Variants in CDH20 observed in about 807,000 individuals in gnomAD.
CDH20 encodes cadherin-20.
In CDH20, 29 loss-of-function variants were observed where a neutral mutation model predicts 74.2. The ratio of observed to expected loss-of-function variants is 0.39; its 90% CI spans 0.29 to 0.53. CDH20 has a LOEUF of 0.53. Among genes scored for constraint, CDH20 ranks in the 20% least tolerant of loss-of-function variants. The pLI is 0.69. For synonymous variants in CDH20, 469 were observed against 405.4 expected, an observed-to-expected ratio of 1.16 and a Z score of -1.88; for missense variants, 988 against 1,048.3, an observed-to-expected ratio of 0.94 and a Z score of 0.79.
chr18:61,479,536 ATGT>A (rs1381170138), intron 1 of CDH20, among the ~76,000 whole-genome samples: 1 of 152,160 alleles, frequency 6.6e-6, no homozygotes, highest in African/African-American at 2.4e-5. Context: ...TTATGGATAA[ATGT>A]TGTTTTCTAC....
rs377267155 is a variant in CDH20 at position 61,469,556 on chromosome 18, C to A, written c.-152-20846C>A. Among the ~76,000 whole-genome samples the A allele has an allele frequency of 1.3e-3, 205 of 152,274 alleles. 1 individual carries two copies. The highest frequency in any genetic ancestry group is 4.7e-3 in the African/African-American group (195 of 41,554). ...CCCCTCTCAACCATCCTATAGTGGG[C>A]AACACAGGATACAACCTTGGTTGTG... On this transcript the variant is annotated intron_variant, in intron 1 of 11. Transcript: ENST00000262717.
At chr18:61,335,100 T>G (rs1909715041) in intron 1 of CDH20, among the ~76,000 whole-genome samples, 1 of 152,094 alleles carries the variant, frequency 6.6e-6, no homozygotes, top group Admixed American at 6.5e-5. Context: ...CGCTTATAGA[T>G]GAGTATTATG....
intron 6 of CDH20, among the ~76,000 whole-genome samples, chr18:61,508,623 T>TATC (rs1175983518): frequency 7.8e-6 from 1 of 128,800 alleles, no homozygotes; most frequent in Non-Finnish European, 1.7e-5. Context: ...GATTGGAGAC[T>TATC]ATTATTATTA....
intron 1 of CDH20, among the ~76,000 whole-genome samples, chr18:61,345,091 G>A (rs930150158): frequency 3.3e-5 from 5 of 152,272 alleles, no homozygotes; most frequent in Admixed American, 1.3e-4. Flanking sequence ...AAATTAAATC[G>A]GGTGACTTCC....
chr18:61,499,931 G>A (rs1391523721), intron 3 of CDH20, among the ~76,000 whole-genome samples: 2 of 151,466 alleles, frequency 1.3e-5, no homozygotes, highest in Non-Finnish European at 2.9e-5. Context: ...TAAATACCCT[G>A]TCTCTACTAA....
chr18:61,477,761 T>C (rs1910443739), intron 1 of CDH20, among the ~76,000 whole-genome samples: 1 of 152,192 alleles, frequency 6.6e-6, no homozygotes, highest in South Asian at 2.1e-4. Context: ...AGAAAGCTTT[T>C]ATCAACCCAC....
chr18:61,381,180 C>G (rs1467962761), intron 1 of CDH20, among the ~76,000 whole-genome samples: 1 of 152,126 alleles, frequency 6.6e-6, no homozygotes, highest in Non-Finnish European at 1.5e-5. Flanking sequence ...AGTTGTCAGT[C>G]ATTTGAAGAG....
chr18:61,506,316 G>A (rs1379651423), intron 5 of CDH20, among the ~76,000 whole-genome samples: 1 of 152,176 alleles, frequency 6.6e-6, no homozygotes, highest in Non-Finnish European at 1.5e-5. Context: ...TGCCAGCTTA[G>A]TACAAACTTT....
At chr18:61,551,424 C>G (rs1234337178) in intron 11 of CDH20, among the ~76,000 whole-genome samples, 1 of 152,162 alleles carries the variant, frequency 6.6e-6, no homozygotes, top group Non-Finnish European at 1.5e-5. Flanking sequence ...CACCTCTATA[C>G]CAAGAGACAG....
At chr18:61,476,987 A>G (rs1372531590) in intron 1 of CDH20, among the ~76,000 whole-genome samples, 1 of 152,188 alleles carries the variant, frequency 6.6e-6, no homozygotes, top group African/African-American at 2.4e-5. Context: ...GAGAGTCCTC[A>G]TTGAGAACAC....
chr18:61,347,870 G>A (rs1910184660), intron 1 of CDH20, among the ~76,000 whole-genome samples: 1 of 150,688 alleles, frequency 6.6e-6, no homozygotes, highest in Non-Finnish European at 1.5e-5. Context: ...TGGACATGTG[G>A]CTAACATTTT....
intron 6 of CDH20, among the ~76,000 whole-genome samples, chr18:61,508,067 C>T (rs1376112752): frequency 6.6e-6 from 1 of 152,140 alleles, no homozygotes; most frequent in Non-Finnish European, 1.5e-5. Flanking sequence ...TGGCTGTTAT[C>T]ACTTGAAATT....
intron 7 of CDH20, among the ~76,000 whole-genome samples, chr18:61,528,812 T>A: frequency 6.6e-6 from 1 of 152,200 alleles, no homozygotes; most frequent in East Asian, 1.9e-4. Flanking sequence ...CTTTTATGAA[T>A]CTTTGACATG....
chr18:61,509,336 C>G (rs1911697016), intron 6 of CDH20, among the ~76,000 whole-genome samples: 1 of 152,202 alleles, frequency 6.6e-6, no homozygotes, highest in Non-Finnish European at 1.5e-5. Flanking sequence ...AGCAGGTTGA[C>G]AGTGTGGGAG....
intron 1 of CDH20, among the ~76,000 whole-genome samples, chr18:61,350,520 T>C (rs1437214102): frequency 6.6e-6 from 1 of 152,162 alleles, no homozygotes; most frequent in East Asian, 1.9e-4. Flanking sequence ...GAACTTATTA[T>C]TATCTTCTTG....
intron 1 of CDH20, among the ~76,000 whole-genome samples, chr18:61,474,602 A>G (rs1364962877): frequency 6.6e-6 from 1 of 152,178 alleles, no homozygotes. Flanking sequence ...CTTCAAGATG[A>G]GAATGTTATA....
At chr18:61,373,980 C>T (rs1568115502) in intron 1 of CDH20, among the ~76,000 whole-genome samples, 1 of 152,128 alleles carries the variant, frequency 6.6e-6, no homozygotes, top group Non-Finnish European at 1.5e-5. Context: ...GTCTTCGACG[C>T]TTTGTCAGTC....
chr18:61,335,860 A>C (rs763203310), intron 1 of CDH20, among the ~76,000 whole-genome samples: 1 of 152,248 alleles, frequency 6.6e-6, no homozygotes, highest in Non-Finnish European at 1.5e-5. Context: ...ATGGAAAAGG[A>C]AAGTACAAAC....
intron 1 of CDH20, among the ~76,000 whole-genome samples, chr18:61,383,120 C>T (rs1568118929): frequency 6.6e-6 from 1 of 152,124 alleles, no homozygotes; most frequent in Admixed American, 6.5e-5. Context: ...TAGAACAGTG[C>T]TGGACCCATA....
Sources: gnomAD v4.1 joint callset for allele counts (sites outside exome capture counted in the v4.1 genomes callset) on GRCh38, gnomAD v4.1.1 for gene constraint, MANE v1.5 for transcripts, NCBI Gene and HGNC (gene_info 2026-07-23, HGNC 2026-07-21) for gene names.